Variants in RPTOR observed in about 807,000 individuals in gnomAD.
The protein encoded by RPTOR is regulatory associated protein of MTOR complex 1.
A neutral mutation model predicts 169.9 loss-of-function variants in RPTOR; 21 were observed. The ratio of observed to expected loss-of-function variants is 0.12; its 90% confidence interval spans 0.09 to 0.18. The LOEUF (loss-of-function observed/expected upper bound fraction) is 0.18. Ranked by LOEUF, RPTOR falls within the 10% of genes least tolerant of loss-of-function variation. RPTOR has a pLI of 1.00. For missense variants in RPTOR, 1,133 were observed against 1,855.9 expected (o/e 0.61, Z 7.16); for synonymous variants, 732 against 753.2 (o/e 0.97, Z 0.46).
intron 22 of RPTOR, among the ~76,000 whole-genome samples, 155 bp downstream of exon 22, chr17:80,922,982 CT>C (rs959730666): frequency 5.3e-5 from 8 of 152,254 alleles, no homozygotes; most frequent in Non-Finnish European, 1.2e-4. Flanking sequence ...TTCCCTCTCC[CT>C]CCCGGACACC....
Position 80,960,239 on chromosome 17 carries a change from C to A in RPTOR, c.3605+34C>A, listed in dbSNP as rs778789712. 1 of 1,611,768 alleles carries A rather than the reference C, an allele frequency of 6.2e-7. No individual in the cohort carries two copies. Among genetic ancestry groups the A allele is most frequent in the Non-Finnish European group, 8.5e-7 (1 of 1,178,892 alleles). On this transcript the variant is annotated intron_variant, in intron 30 of 33. Coordinates refer to ENST00000306801, the MANE Select transcript of RPTOR (RefSeq NM_020761.3). The surrounding 1 kb of genome is among the most constrained non-coding windows in gnomAD (Gnocchi z 4.8). ...ACCCTGTCCTCTCCCTCCCCGAGTGCTGGCAGGGTACCTTCCAGGTGGTAG... is the reference window on the plus strand; with the variant it reads ...ACCCTGTCCTCTCCCTCCCCGAGTGATGGCAGGGTACCTTCCAGGTGGTAG...
chr17:80,677,085 C>A (rs1598213384), intron 3 of RPTOR, among the ~76,000 whole-genome samples: 1 of 152,178 alleles, frequency 6.6e-6, no homozygotes, highest in South Asian at 2.1e-4. Flanking sequence ...CACGCTGTTG[C>A]ATTATGCCAT....
chr17:80,700,972 A>G (rs1036415633), intron 3 of RPTOR, among the ~76,000 whole-genome samples: 11 of 152,112 alleles, frequency 7.2e-5, no homozygotes, highest in Non-Finnish European at 1.6e-4. Context: ...ATGATTGATG[A>G]CATAAAAATG....
At chr17:80,925,544 G>T in intron 24 of RPTOR, 64 bp downstream of exon 24, 1 of 1,304,210 alleles carries the variant, frequency 7.7e-7, no homozygotes, top group East Asian at 2.3e-5. Context: ...CCACTTCTTT[G>T]AGCATAAACG....
At chr17:80,847,179 G>C (rs957043259) in intron 11 of RPTOR, among the ~76,000 whole-genome samples, 1 of 152,252 alleles carries the variant, frequency 6.6e-6, no homozygotes, top group African/African-American at 2.4e-5. Flanking sequence ...GTAACAAATA[G>C]GCCCTTTTGG....
At chr17:80,611,756 G>GGT (rs780776089) in intron 1 of RPTOR, among the ~76,000 whole-genome samples, 3 of 132,190 alleles carry the variant, frequency 2.3e-5, no homozygotes, top group Non-Finnish European at 4.8e-5. Flanking sequence ...TTTTATAGCT[G>GGT]TTTTTTTTTT....
At chr17:80,901,375 C>T (rs2068474384) in intron 20 of RPTOR, among the ~76,000 whole-genome samples, 1 of 152,066 alleles carries the variant, frequency 6.6e-6, no homozygotes, top group Admixed American at 6.5e-5. Flanking sequence ...AATGTGATTC[C>T]TGACTTTTTT....
At chr17:80,760,104 C>T (rs899746809) in intron 6 of RPTOR, among the ~76,000 whole-genome samples, 1 of 151,972 alleles carries the variant, frequency 6.6e-6, no homozygotes, top group African/African-American at 2.4e-5. Context: ...ATTTAGGCGC[C>T]AGGAGTATGC....
At chr17:80,872,714 G>A (rs901930207) in intron 13 of RPTOR, among the ~76,000 whole-genome samples, 6 of 152,202 alleles carry the variant, frequency 3.9e-5, no homozygotes, top group African/African-American at 4.8e-5. Context: ...GGCTCTTTTC[G>A]CCTGCACCCA....
rs1410372149 is a variant in RPTOR, at chr17:80,820,317, T to C, written c.891-1884T>C. 1.3e-5 allele frequency among the ~76,000 whole-genome samples: 2 copies of C among 152,148 alleles called. No homozygotes were observed. The highest frequency in any genetic ancestry group is 4.8e-5 in the African/African-American group (2 of 41,428). On this transcript the variant is annotated intron_variant, in intron 7 of 33. Transcript: ENST00000306801. The surrounding 1 kb of genome is among the most constrained non-coding windows in gnomAD (Gnocchi z 4.1). ...TCATTAAAACGGTTTTCAGCATATG[T>C]GTTTCTCATCTGCAGGTGTGGGACC...
chr17:80,634,789 GTGCATACTGTGTGTGCA>G, intron 2 of RPTOR, among the ~76,000 whole-genome samples: 1 of 147,084 alleles, frequency 6.8e-6, no homozygotes, highest in Non-Finnish European at 1.5e-5. Flanking sequence ...CTGTGTGCAT[GTGCATACTGTGTGTGCA>G]TACTGTGTGT....
chr17:80,880,462 G>T lies in RPTOR; in HGVS notation c.1557G>T (p.Leu519=). 3.1e-6 allele frequency: 5 copies of T among 1,613,714 alleles called. No individual in the cohort carries two copies. Among genetic ancestry groups the T allele is most frequent in the South Asian group, 1.1e-5 (1 of 91,088 alleles). The change falls in exon 14 of 34, where the codon CTG becomes CTT. Residue 519 remains leucine, a synonymous_variant. Transcript: ENST00000306801. ...AGGACAACGGCCACAAGTACTTCCT[G>T]TCGGTCCTGGCGGACCCCTACATGC... is the stretch of plus-strand genomic sequence containing the variant. The part of the protein sequence containing the change: ...LVKDNGHKYF[L]SVLADPYMPA...
chr17:80,696,711 TCAGCCGTTTG>T (rs936819589), intron 3 of RPTOR, among the ~76,000 whole-genome samples: 4 of 152,184 alleles, frequency 2.6e-5, no homozygotes, highest in African/African-American at 9.7e-5. Context: ...GCCGCCGAAC[TCAGCCGTTTG>T]CAGGCGGGAG....
At chr17:80,783,635 G>T (rs909779759) in intron 6 of RPTOR, among the ~76,000 whole-genome samples, 1 of 152,224 alleles carries the variant, frequency 6.6e-6, no homozygotes, top group African/African-American at 2.4e-5. Context: ...CGCCTAAGGG[G>T]CTCCTCCGAT....
chr17:80,898,700 C>T (rs1336288972), intron 20 of RPTOR, among the ~76,000 whole-genome samples: 4 of 127,148 alleles, frequency 3.1e-5, no homozygotes, highest in African/African-American at 8.8e-5. Flanking sequence ...CGACTCCCCC[C>T]GCCCCGGCTC....
In RPTOR at chr17:80,544,867, G is replaced by A; in HGVS notation, c.-763G>A. ...TGGCAATATGGCGTCCTCCTTGATG[G>A]GCTGATGAGATGAGTTTCACTGTAG... On this transcript the variant is annotated 5_prime_UTR_variant, in exon 1 of 34. Transcript: ENST00000306801. The A allele has an allele frequency of 4.5e-6, 1 of 221,906 alleles. No homozygotes were observed. Among genetic ancestry groups the A allele is most frequent in the Non-Finnish European group, 9.0e-6 (1 of 110,560 alleles). 13.7% of individuals were successfully genotyped at this position (221,906 alleles called of 1,614,324 possible). A position where few individuals can be genotyped will look rare whatever the true frequency, so the allele number is the denominator to read the frequency against.
chr17:80,677,799 A>G (rs1349172880), intron 3 of RPTOR, among the ~76,000 whole-genome samples: 1 of 152,116 alleles, frequency 6.6e-6, no homozygotes, highest in Non-Finnish European at 1.5e-5. Context: ...CTACTCCTTT[A>G]TTCTTTCACA....
At chr17:80,664,840 C>T (rs2065751698) in intron 3 of RPTOR, among the ~76,000 whole-genome samples, 1 of 152,112 alleles carries the variant, frequency 6.6e-6, no homozygotes, top group Admixed American at 6.5e-5. Context: ...TGGATTTTTT[C>T]TTACAAAGTG....
intron 19 of RPTOR, among the ~76,000 whole-genome samples, chr17:80,893,402 G>A (rs942297363): frequency 1.3e-5 from 2 of 148,472 alleles, no homozygotes; most frequent in African/African-American, 5.0e-5. Flanking sequence ...CAGGGTGTGT[G>A]TGTGTGTGTA....
Sources: allele counts gnomAD v4.1 joint callset (sites outside exome capture counted in the v4.1 genomes callset), GRCh38; gene constraint gnomAD v4.1.1; non-coding constraint Gnocchi (gnomAD v3.1); transcripts MANE v1.5; gene names NCBI Gene and HGNC (gene_info 2026-07-23, HGNC 2026-07-21).